The following LRP1B variants were observed in gnomAD, a reference collection of about 807,000 sequenced individuals.
The protein encoded by LRP1B is LDL receptor related protein 1B.
LRP1B carries 217 observed loss-of-function variants against 556.6 expected under a neutral mutation model. That is an observed-to-expected ratio of 0.39 (90% confidence interval 0.35 to 0.44). The LOEUF is 0.44. Ranked by LOEUF, LRP1B falls within the 20% of genes least tolerant of loss-of-function variation. LRP1B has a pLI of 1.00. For missense variants in LRP1B, 5,053 were observed against 5,620.8 expected (o/e 0.90, Z 3.23); for synonymous variants, 2,047 against 1,865.8 (o/e 1.10, Z -2.50).
intron 1 of LRP1B, among the ~76,000 whole-genome samples, chr2:141,854,803 G>A (rs1697991786): frequency 6.6e-6 from 1 of 151,926 alleles, no homozygotes; most frequent in Non-Finnish European, 1.5e-5. Flanking sequence ...ACAGTTTTTA[G>A]AAGTTAGCAT....
chr2:141,168,860 T>A (rs1289771395), intron 7 of LRP1B, among the ~76,000 whole-genome samples: 2 of 151,912 alleles, frequency 1.3e-5, no homozygotes, highest in Admixed American at 1.3e-4. Flanking sequence ...GAAGATTAGA[T>A]CAATAATACA....
intron 1 of LRP1B, among the ~76,000 whole-genome samples, chr2:142,100,128 C>T (rs1236769536): frequency 6.6e-6 from 1 of 151,824 alleles, no homozygotes; most frequent in East Asian, 1.9e-4. Context: ...GTATTTTTTA[C>T]ACTAAATTTA....
chr2:140,375,908 A>G (rs1392615090), intron 68 of LRP1B, among the ~76,000 whole-genome samples: 1 of 152,132 alleles, frequency 6.6e-6, no homozygotes, highest in Non-Finnish European at 1.5e-5. Flanking sequence ...CAAGCTAATC[A>G]TATTATCAGT....
chr2:141,801,498 A>G (rs143435822), intron 2 of LRP1B, among the ~76,000 whole-genome samples: 1 of 152,202 alleles, frequency 6.6e-6, no homozygotes, highest in Non-Finnish European at 1.5e-5. Context: ...GATAGCCGTT[A>G]TTTGCACTTC....
chr2:141,409,537 T>A lies in LRP1B; in HGVS notation c.343+70859A>T, dbSNP rs191260024. On this transcript the variant is annotated intron_variant, in intron 3 of 90. Transcript: ENST00000389484. ...TATAAAACCCTGGCCCGTAACACAC[T>A]CCTGAAAATTATTCATTCATCCAAG... is the stretch of plus-strand genomic sequence containing the variant. Among the ~76,000 whole-genome samples the A allele has an allele frequency of 3.5e-3, 540 of 152,164 alleles. 5 individuals carry two copies. Among genetic ancestry groups the A allele is most frequent in the African/African-American group, 0.013 (522 of 41,538 alleles).
chr2:141,225,725 GTTCA>G (rs1250513725), intron 6 of LRP1B, among the ~76,000 whole-genome samples: 1 of 151,876 alleles, frequency 6.6e-6, no homozygotes, highest in Non-Finnish European at 1.5e-5. Context: ...TCCCCCCAAG[GTTCA>G]TTAATACACT....
At chr2:140,998,748 C>G (rs541600146) in intron 15 of LRP1B, among the ~76,000 whole-genome samples, 2 of 152,184 alleles carry the variant, frequency 1.3e-5, no homozygotes, top group South Asian at 2.1e-4. Flanking sequence ...CATTGAGAAA[C>G]AGTCATTGGT....
intron 5 of LRP1B, among the ~76,000 whole-genome samples, chr2:141,238,928 T>A (rs1683760693): frequency 1.3e-5 from 2 of 152,048 alleles, no homozygotes; most frequent in Admixed American, 1.3e-4. Context: ...AGATATTGAA[T>A]ATATAATTGG....
At chr2:140,675,394 A>G (rs1226370278) in intron 41 of LRP1B, among the ~76,000 whole-genome samples, 1 of 152,244 alleles carries the variant, frequency 6.6e-6, no homozygotes, top group Non-Finnish European at 1.5e-5. Context: ...TATGCCAAAA[A>G]GAATAAGTGA....
chr2:141,445,700 C>A (rs1163815636), intron 3 of LRP1B, among the ~76,000 whole-genome samples: 2 of 152,178 alleles, frequency 1.3e-5, no homozygotes, highest in African/African-American at 2.4e-5. Context: ...CATGCAGGAG[C>A]AGGTTGTTCA....
chr2:140,712,028 C>T (rs1007399089), intron 37 of LRP1B, among the ~76,000 whole-genome samples: 2 of 152,148 alleles, frequency 1.3e-5, no homozygotes, highest in Admixed American at 1.3e-4. Flanking sequence ...TATAAACATC[C>T]TCAGATGCTG....
intron 32 of LRP1B, among the ~76,000 whole-genome samples, chr2:140,789,078 T>G (rs1690013664): frequency 6.6e-6 from 1 of 152,194 alleles, no homozygotes; most frequent in Non-Finnish European, 1.5e-5. Context: ...TGTGGTATTC[T>G]GTTATGGGCC....
rs774916029 is a variant in LRP1B, at chr2:140,324,085, A to T, written c.12341-19T>A. On this transcript the variant is annotated intron_variant, in intron 80 of 90. Coordinates refer to ENST00000389484, the MANE Select transcript of LRP1B (RefSeq NM_018557.3). ...AATAAACCTGGAATTTTAAAAAGGC[A>T]GTTATGAAAGTTTTAATGTATATAC... The T allele has an allele frequency of 5.4e-5, 84 of 1,547,152 alleles. 1 individual carries two copies. The South Asian group carries it at 9.2e-4, about 17-fold the overall frequency.
chr2:141,975,217 A>G (rs1701852135), intron 1 of LRP1B, among the ~76,000 whole-genome samples: 1 of 151,976 alleles, frequency 6.6e-6, no homozygotes. Context: ...GAAATTTTTG[A>G]CCAAAGTGAC....
At chr2:140,923,986 T>C (rs1159021057) in intron 20 of LRP1B, among the ~76,000 whole-genome samples, 2 of 152,096 alleles carry the variant, frequency 1.3e-5, no homozygotes, top group African/African-American at 4.8e-5. Context: ...TATATTAATC[T>C]GTATTTCCAA....
chr2:141,515,761 A>T (rs1316319992), intron 2 of LRP1B, among the ~76,000 whole-genome samples: 2 of 152,170 alleles, frequency 1.3e-5, no homozygotes, highest in Non-Finnish European at 2.9e-5. Context: ...AACTAGTTTG[A>T]CATTTATAAG....
At chr2:141,358,703 G>A (rs1249225545) in intron 3 of LRP1B, among the ~76,000 whole-genome samples, 2 of 152,076 alleles carry the variant, frequency 1.3e-5, no homozygotes, top group Non-Finnish European at 2.9e-5. Context: ...CTAGCACATG[G>A]CACTCAGGAA....
chr2:140,529,105 A>G (rs1337586805), intron 47 of LRP1B, among the ~76,000 whole-genome samples: 2 of 152,060 alleles, frequency 1.3e-5, no homozygotes, highest in African/African-American at 2.4e-5. Flanking sequence ...GTCCGAAAGA[A>G]AAAGTAAGCT....
At chr2:141,346,176 G>T (rs185507468) in intron 3 of LRP1B, among the ~76,000 whole-genome samples, 80 of 151,754 alleles carry the variant, frequency 5.3e-4, no homozygotes, top group African/African-American at 1.8e-3. Flanking sequence ...TGGGCCTTAA[G>T]CTTTTCACAT....
Sources: allele counts gnomAD v4.1 joint callset (sites outside exome capture counted in the v4.1 genomes callset), GRCh38; gene constraint gnomAD v4.1.1; transcripts MANE v1.5; gene names NCBI Gene and HGNC (gene_info 2026-07-23, HGNC 2026-07-21).